Variants in PDE10A observed in about 807,000 individuals in gnomAD.
PDE10A encodes the protein phosphodiesterase 10A.
Under a neutral mutation model 97.7 loss-of-function variants are expected in PDE10A, and 39 were observed. That is an observed-to-expected ratio of 0.40 (90% confidence interval 0.31 to 0.52). The LOEUF (loss-of-function observed/expected upper bound fraction) is 0.52, where lower values mean the gene tolerates loss of function less well. Among genes scored for constraint, PDE10A ranks in the 20% least tolerant of loss-of-function variants. PDE10A has a pLI of 0.56. For synonymous variants in PDE10A, 371 were observed against 376.8 expected (o/e 0.98, Z 0.18); for missense variants, 731 against 1,047.8 (o/e 0.70, Z 4.17).
chr6:165,932,472 A>G (rs906249826), intron 1 of PDE10A, among the ~76,000 whole-genome samples: 1 of 152,212 alleles, frequency 6.6e-6, no homozygotes. Flanking sequence ...AGTAGCTGGG[A>G]TTACAGCCAT....
rs141417932 is a variant in PDE10A, at chr6:165,633,828, G to T, written c.865+28119C>A. Among the ~76,000 whole-genome samples, 726 of 151,244 alleles carry T rather than the reference G, an allele frequency of 4.8e-3. 6 individuals carry two copies. Among genetic ancestry groups the T allele is most frequent in the African/African-American group, 0.017 (701 of 41,196 alleles). ...TTTTTCGTATTTTTATAGAGATGAGGTTTCACCATGTTGGCCAGGCTGGTC... is the reference window on the plus strand; with the variant it reads ...TTTTTCGTATTTTTATAGAGATGAGTTTTCACCATGTTGGCCAGGCTGGTC... On this transcript the variant is annotated intron_variant, in intron 1 of 21. Coordinates refer to ENST00000539869, the MANE Select transcript of PDE10A (RefSeq NM_001385079.1).
chr6:165,653,145 T>A (rs1789766209), intron 1 of PDE10A, among the ~76,000 whole-genome samples: 1 of 152,220 alleles, frequency 6.6e-6, no homozygotes, highest in South Asian at 2.1e-4. Context: ...TTCTTTCCCT[T>A]TAGGAAAATT....
intron 1 of PDE10A, among the ~76,000 whole-genome samples, chr6:165,687,901 G>A (rs1331118571): frequency 6.6e-6 from 1 of 152,226 alleles, no homozygotes; most frequent in Non-Finnish European, 1.5e-5. Flanking sequence ...GTGGGGCCTG[G>A]AAGCTTGAGC....
chr6:165,621,328 A>G (rs1208647316), intron 1 of PDE10A, among the ~76,000 whole-genome samples: 1 of 152,086 alleles, frequency 6.6e-6, no homozygotes, highest in Non-Finnish European at 1.5e-5. Context: ...TTCGTAAACT[A>G]TTTAAAGCAT....
intron 1 of PDE10A, among the ~76,000 whole-genome samples, chr6:165,707,717 G>A (rs547273470): frequency 6.6e-6 from 1 of 151,954 alleles, no homozygotes; most frequent in South Asian, 2.1e-4. Flanking sequence ...CTGTGCGTGT[G>A]TGTATGAGTG....
intron 1 of PDE10A, among the ~76,000 whole-genome samples, chr6:165,645,856 A>C (rs1304387926): frequency 6.6e-6 from 1 of 150,962 alleles, no homozygotes. Context: ...TCCATCTCAA[A>C]AAAAAAAAAA....
At chr6:165,905,253 T>C (rs1446287321) in intron 1 of PDE10A, among the ~76,000 whole-genome samples, 1 of 152,168 alleles carries the variant, frequency 6.6e-6, no homozygotes, top group Non-Finnish European at 1.5e-5. Flanking sequence ...ATTGGAGAAA[T>C]GAAATTTTGT....
chr6:165,363,125 G>A (rs886191287), intron 18 of PDE10A, among the ~76,000 whole-genome samples: 4 of 152,144 alleles, frequency 2.6e-5, no homozygotes, highest in Admixed American at 1.3e-4. Flanking sequence ...ACTTAATGGT[G>A]AAAGACTAGA....
chr6:165,487,355 G>A (rs746367271), intron 2 of PDE10A, among the ~76,000 whole-genome samples: 2 of 152,124 alleles, frequency 1.3e-5, no homozygotes, highest in East Asian at 1.9e-4. Flanking sequence ...ACTGTCTCCC[G>A]TCACCCCAGA....
intron 1 of PDE10A, among the ~76,000 whole-genome samples, chr6:165,857,222 C>A (rs1780760825): frequency 6.6e-6 from 1 of 152,114 alleles, no homozygotes; most frequent in Admixed American, 6.5e-5. Context: ...CCCAGGAAAC[C>A]TAAGACTCCA....
intron 1 of PDE10A, among the ~76,000 whole-genome samples, chr6:165,826,162 G>C (rs1489848965): frequency 6.6e-6 from 1 of 152,120 alleles, no homozygotes; most frequent in East Asian, 1.9e-4. Context: ...TCACAGAGTT[G>C]ACACAATGTC....
intron 1 of PDE10A, among the ~76,000 whole-genome samples, chr6:165,767,988 C>G (rs1565882): frequency 0.99 from 150,482 of 152,294 alleles, 74,369 homozygotes; most frequent in Middle Eastern, 1. Flanking sequence ...AGTGGTGGTA[C>G]AGTGGGACCT....
rs116777048 is a variant in PDE10A at position 165,577,338 on chromosome 6, G to A, written c.866-33770C>T. On this transcript the variant is annotated intron_variant, in intron 1 of 21. Coordinates refer to ENST00000539869, the MANE Select transcript of PDE10A (RefSeq NM_001385079.1). ...GAAGTACTCTCCTGGGGGACGTGGA[G>A]TGATCCTTGGGCCCAAAAGTCCATG... Among the ~76,000 whole-genome samples, 504 of 152,272 alleles carry A rather than the reference G, an allele frequency of 3.3e-3. 5 individuals carry two copies. Among genetic ancestry groups the A allele is most frequent in the African/African-American group, 0.012 (478 of 41,552 alleles).
intron 1 of PDE10A, among the ~76,000 whole-genome samples, chr6:165,659,533 T>C (rs1401916058): frequency 6.6e-6 from 1 of 152,208 alleles, no homozygotes; most frequent in Admixed American, 6.5e-5. Context: ...TAATAATCTA[T>C]CCCCTTCCCA....
In PDE10A at chr6:165,640,571, A is replaced by C. The variant is rs576277852; in HGVS notation, c.865+21376T>G. 1.6e-4 allele frequency among the ~76,000 whole-genome samples: 25 copies of C among 152,360 alleles called. No homozygotes were observed. The South Asian group carries it at 5.0e-3, about 30-fold the overall frequency. ...AATAACCTGTTATTCACACACTGTT[A>C]CAGACCATTAGCCATTAATAAGTGC... is the stretch of plus-strand genomic sequence containing the variant. On this transcript the variant is annotated intron_variant, in intron 1 of 21. Coordinates refer to ENST00000539869, the MANE Select transcript of PDE10A (RefSeq NM_001385079.1).
intron 4 of PDE10A, 110 bp downstream of exon 4, chr6:165,450,132 A>T: frequency 1.4e-6 from 1 of 694,246 alleles, no homozygotes; most frequent in Non-Finnish European, 2.4e-6. Context: ...GTCCAGAAAT[A>T]GAAGTAAATA....
chr6:165,839,959 A>C (rs80275900), intron 1 of PDE10A, among the ~76,000 whole-genome samples: 157 of 31,432 alleles, frequency 5.0e-3, no homozygotes, highest in East Asian at 7.9e-3. Flanking sequence ...ATCCCCATCT[A>C]CATCTCTGTC....
chr6:165,377,198 T>C (rs769646272), intron 18 of PDE10A, among the ~76,000 whole-genome samples: 1 of 152,136 alleles, frequency 6.6e-6, no homozygotes, highest in Non-Finnish European at 1.5e-5. Context: ...TTTGTGTGAC[T>C]TGCTTTATTA....
intron 1 of PDE10A, among the ~76,000 whole-genome samples, chr6:165,627,530 C>G (rs903912528): frequency 6.6e-6 from 1 of 152,112 alleles, no homozygotes; most frequent in African/African-American, 2.4e-5. Context: ...TCAGATGGAG[C>G]ACGACACAGA....
Sources: allele counts gnomAD v4.1 joint callset (sites outside exome capture counted in the v4.1 genomes callset), GRCh38; gene constraint gnomAD v4.1.1; transcripts MANE v1.5; gene names NCBI Gene and HGNC (gene_info 2026-07-23, HGNC 2026-07-21).